RASA2: variants seen among roughly 807,000 people sequenced by gnomAD.
RASA2 encodes the protein ras GTPase-activating protein 2.
Under a neutral mutation model 118.2 loss-of-function variants are expected in RASA2, and 155 were observed. The observed-to-expected ratio is 1.31, with a 90% CI of 1.15 to 1.50. The LOEUF (loss-of-function observed/expected upper bound fraction) is 1.50. RASA2 is among the 40% of genes most tolerant of loss of function. The pLI is 0.00. For synonymous variants in RASA2, 353 were observed against 349.1 expected (o/e 1.01, Z -0.12); for missense variants, 1,016 against 1,009.6 (o/e 1.01, Z -0.09).
At position 141,543,002 on chromosome 3, in the gene RASA2, T is replaced by G. The variant is rs138444277; in HGVS notation, c.527+2393T>G. 1.6e-3 allele frequency among the ~76,000 whole-genome samples: 248 copies of G among 152,204 alleles called. 2 individuals are homozygous for G. Among genetic ancestry groups the G allele is most frequent in the Admixed American group, 4.8e-3 (73 of 15,292 alleles). The stretch of plus-strand genomic sequence containing the variant: ...AAATCATTTTTGCCAATCTCTGTCT[T>G]TTTTTGGTGAGTTTTTTCCATTTAT... On this transcript the variant is annotated intron_variant, in intron 5 of 23. Transcript: ENST00000286364.
chr3:141,562,532 GA>G (rs76384156), intron 9 of RASA2, among the ~76,000 whole-genome samples: 150,139 of 150,140 alleles, frequency 1, 75,069 homozygotes, highest in Non-Finnish European at 1. Flanking sequence ...TGGCGCAGGA[GA>G]AATTGCGTGC....
In RASA2 at chr3:141,529,719, A is replaced by G; in HGVS notation, c.367A>G (p.Ile123Val). 6.2e-7 allele frequency: 1 copy of G among 1,610,356 alleles called. No homozygotes were observed. The highest frequency in any genetic ancestry group is 8.5e-7 in the Non-Finnish European group (1 of 1,177,320). ...CTTATTTTCTGTAGGAAAAGTAGCC[A>G]TCAAAAAAGAAGACTTGTGTAATCA... ...QRDLRIGKVAIKKEDLCNHSG... is the reference protein window; with the variant it reads ...QRDLRIGKVAVKKEDLCNHSG... The change falls in exon 4 of 24, where the codon ATC becomes GTC. Residue 123 changes from isoleucine (I) to valine (V), a missense_variant. Transcript: ENST00000286364.
At chr3:141,566,026 G>A (rs753751748) in intron 9 of RASA2, among the ~76,000 whole-genome samples, 13 of 152,132 alleles carry the variant, frequency 8.5e-5, no homozygotes, top group Non-Finnish European at 1.8e-4. Flanking sequence ...GCTAATAAAT[G>A]TTCTATTAAA....
At chr3:141,511,090 A>G (rs912127208) in intron 1 of RASA2, among the ~76,000 whole-genome samples, 2 of 152,248 alleles carry the variant, frequency 1.3e-5, no homozygotes, top group African/African-American at 4.8e-5. Flanking sequence ...TTTGGGATTT[A>G]TTTTGGAGGT....
At chr3:141,520,714 A>G in intron 3 of RASA2, among the ~76,000 whole-genome samples, 1 of 152,324 alleles carries the variant, frequency 6.6e-6, no homozygotes, top group Middle Eastern at 3.4e-3. Flanking sequence ...ACACACAGTT[A>G]TATACACACG....
At chr3:141,571,123 A>G in intron 10 of RASA2, 55 bp downstream of exon 10, 2 of 1,498,566 alleles carry the variant, frequency 1.3e-6, no homozygotes, top group South Asian at 1.3e-5. Flanking sequence ...AAATAATTCT[A>G]TAAATGATAA....
At chr3:141,602,470 C>T (rs2083479452) in intron 19 of RASA2, among the ~76,000 whole-genome samples, 1 of 152,210 alleles carries the variant, frequency 6.6e-6, no homozygotes, top group Non-Finnish European at 1.5e-5. Flanking sequence ...CTTGCCCACC[C>T]ACTGCTGCTC....
intron 15 of RASA2, 86 bp downstream of exon 15, chr3:141,577,192 AGGCT>A (rs1190733630): frequency 1.5e-5 from 15 of 1,028,132 alleles, no homozygotes; most frequent in Non-Finnish European, 2.1e-5. Context: ...CAATTTCACT[AGGCT>A]GTATTTTCTT....
At chr3:141,545,012 A>G (rs1411913450) in intron 5 of RASA2, among the ~76,000 whole-genome samples, 1 of 152,180 alleles carries the variant, frequency 6.6e-6, no homozygotes, top group Non-Finnish European at 1.5e-5. Flanking sequence ...AGGAGGAGGG[A>G]GAGGATCAGG....
At chr3:141,570,817 T>C (rs2082905657) in intron 9 of RASA2, 95 bp from the exon 10 acceptor site, 2 of 1,232,390 alleles carry the variant, frequency 1.6e-6, no homozygotes, top group Non-Finnish European at 2.3e-6. Flanking sequence ...TAAGTTGACT[T>C]TTTTGGTTTA....
chr3:141,487,487 G>C (rs2081592263), intron 1 of RASA2, among the ~76,000 whole-genome samples: 1 of 151,958 alleles, frequency 6.6e-6, no homozygotes, highest in African/African-American at 2.4e-5. Flanking sequence ...GCCGGCGTGA[G>C]GGGCTCGGTC....
chr3:141,490,475 T>C (rs764839518), intron 1 of RASA2, among the ~76,000 whole-genome samples: 1 of 152,156 alleles, frequency 6.6e-6, no homozygotes, highest in Non-Finnish European at 1.5e-5. Flanking sequence ...TCTTATCCAA[T>C]TACATTAGAT....
chr3:141,547,285 T>C (rs1245697381), intron 5 of RASA2, among the ~76,000 whole-genome samples: 1 of 152,156 alleles, frequency 6.6e-6, no homozygotes, highest in Non-Finnish European at 1.5e-5. Context: ...GTAGATTGCT[T>C]TAGGTAGTAT....
intron 1 of RASA2, among the ~76,000 whole-genome samples, chr3:141,497,056 A>G (rs2081712746): frequency 6.6e-6 from 1 of 151,808 alleles, no homozygotes; most frequent in South Asian, 2.1e-4. Flanking sequence ...TCAGCAAACT[A>G]TCACAAGGAC....
At chr3:141,611,575 C>T (rs963056423) in intron 23 of RASA2, among the ~76,000 whole-genome samples, 15 of 152,216 alleles carry the variant, frequency 9.9e-5, no homozygotes, top group East Asian at 7.7e-4. Flanking sequence ...GCTAGAGAAA[C>T]GGAGGCTTAG....
intron 1 of RASA2, among the ~76,000 whole-genome samples, chr3:141,488,256 G>A (rs1019523157): frequency 6.6e-6 from 1 of 151,876 alleles, no homozygotes; most frequent in African/African-American, 2.4e-5. Context: ...TGCATTTGTC[G>A]AAAATTAGCA....
intron 17 of RASA2, 81 bp from the exon 18 acceptor site, chr3:141,585,944 A>G: frequency 4.6e-6 from 5 of 1,080,468 alleles, no homozygotes; most frequent in Non-Finnish European, 6.6e-6. Flanking sequence ...TCCCATTATA[A>G]TTAATGACAT....
At chr3:141,528,442 A>C (rs1265701346) in intron 3 of RASA2, among the ~76,000 whole-genome samples, 2 of 152,002 alleles carry the variant, frequency 1.3e-5, no homozygotes, top group East Asian at 3.8e-4. Context: ...AACATTATAA[A>C]AGTTAACAGT....
At chr3:141,562,724 G>A (rs2082753911) in intron 9 of RASA2, among the ~76,000 whole-genome samples, 1 of 151,284 alleles carries the variant, frequency 6.6e-6, no homozygotes, top group African/African-American at 2.4e-5. Context: ...CCAGGCTGGA[G>A]TGCAGTAGCG....
Sources: allele counts gnomAD v4.1 joint callset (sites outside exome capture counted in the v4.1 genomes callset), GRCh38; gene constraint gnomAD v4.1.1; transcripts MANE v1.5; gene names NCBI Gene and HGNC (gene_info 2026-07-23, HGNC 2026-07-21).